SHLD1: variants seen among roughly 807,000 people sequenced by gnomAD.
The protein encoded by SHLD1 is shieldin complex subunit 1, also known as RINN1-REV7-interacting novel NHEJ regulator 3.
A neutral mutation model predicts 5.5 loss-of-function variants in SHLD1; 3 were observed. The ratio of observed to expected loss-of-function variants is 0.54; its 90% CI spans 0.25 to 1.40. The LOEUF (loss-of-function observed/expected upper bound fraction) is 1.40, where lower values mean the gene tolerates loss of function less well. Ranked by LOEUF, SHLD1 falls within the 40% of genes most tolerant of loss-of-function variation. The pLI is 0.15. For synonymous variants in SHLD1, 92 were observed against 94.3 expected (o/e 0.98, Z 0.14); for missense variants, 210 against 244.4 (o/e 0.86, Z 0.94).
At chr20:5,810,407 C>G (rs2087442546) in intron 2 of SHLD1, among the ~76,000 whole-genome samples, 2 of 152,052 alleles carry the variant, frequency 1.3e-5, no homozygotes, top group Non-Finnish European at 2.9e-5. Flanking sequence ...CTCTAATTAG[C>G]TATGGGACCT....
intron 2 of SHLD1, among the ~76,000 whole-genome samples, chr20:5,810,639 A>G (rs1395819583): frequency 6.6e-6 from 1 of 151,820 alleles, no homozygotes; most frequent in East Asian, 1.9e-4. Flanking sequence ...CACGCCTATA[A>G]TCCCAGCACC....
chr20:5,774,604 G>A (rs1778332334), intron 2 of SHLD1, among the ~76,000 whole-genome samples: 1 of 152,148 alleles, frequency 6.6e-6, no homozygotes, highest in Non-Finnish European at 1.5e-5. Flanking sequence ...AGGCAAAGGG[G>A]AAGCTGGCAC....
chr20:5,789,136 A>G (rs953928122), intron 2 of SHLD1, among the ~76,000 whole-genome samples: 2 of 152,002 alleles, frequency 1.3e-5, no homozygotes, highest in Non-Finnish European at 2.9e-5. Flanking sequence ...TCTCAAAAAC[A>G]AAAAAACAAA....
chr20:5,842,878 C>A (rs1405654162), intron 2 of SHLD1, among the ~76,000 whole-genome samples: 2 of 152,032 alleles, frequency 1.3e-5, no homozygotes, highest in Non-Finnish European at 2.9e-5. Flanking sequence ...TTTACCTGTT[C>A]ATTTTTTGTA....
intron 2 of SHLD1, among the ~76,000 whole-genome samples, chr20:5,849,355 G>A (rs1265856351): frequency 1.3e-5 from 2 of 152,202 alleles, no homozygotes; most frequent in Non-Finnish European, 2.9e-5. Context: ...TGGGAGAAAT[G>A]CCAGTGGTGA....
At chr20:5,773,262 T>G (rs1472829852) in intron 2 of SHLD1, 1 of 670,586 alleles carries the variant, frequency 1.5e-6, no homozygotes, top group African/African-American at 1.8e-5. Context: ...GATGTCTTTT[T>G]GTTATTGTTG....
chr20:5,763,378 ACT>A (rs1984589650), intron 1 of SHLD1, among the ~76,000 whole-genome samples: 1 of 151,924 alleles, frequency 6.6e-6, no homozygotes, highest in African/African-American at 2.4e-5. Context: ...ACCCCAGTTG[ACT>A]CTGCCAAAAG....
rs2088073055 is a variant in SHLD1, at chr20:5,855,635, G to A, written c.179-7389G>A. Among the ~76,000 whole-genome samples, 1 of 152,200 alleles carries A rather than the reference G, an allele frequency of 6.6e-6. No homozygotes were observed. The highest frequency in any genetic ancestry group is 2.4e-5 in the African/African-American group (1 of 41,454). ...GATCCACTTTCCTTGGCCCCCCAAAGTGCTGGGATTATAGACATGAGCCGC... is the reference window on the plus strand; with the variant it reads ...GATCCACTTTCCTTGGCCCCCCAAAATGCTGGGATTATAGACATGAGCCGC... On this transcript the variant is annotated intron_variant, in intron 2 of 2. Coordinates refer to ENST00000303142, the MANE Select transcript of SHLD1 (RefSeq NM_152504.4). This position sits in a 1 kb window ranked among gnomAD's most constrained non-coding sequence, Gnocchi z 4.4.
intron 2 of SHLD1, among the ~76,000 whole-genome samples, chr20:5,818,946 T>A (rs1245778651): frequency 6.6e-6 from 1 of 152,170 alleles, no homozygotes; most frequent in East Asian, 1.9e-4. Context: ...CACTGCAACC[T>A]CTGCCTCCTG....
Position 5,806,444 on chromosome 20 carries a change from T to C in SHLD1, c.178+33401T>C, listed in dbSNP as rs2087376770. ...TGAAGCACTGATCATTTTCCTGTAT[T>C]ACTGTGGGGAAGTGGATTATCTGCA... On this transcript the variant is annotated intron_variant, in intron 2 of 2. Coordinates refer to ENST00000303142, the MANE Select transcript of SHLD1 (RefSeq NM_152504.4). This position sits in a 1 kb window ranked among gnomAD's most constrained non-coding sequence, Gnocchi z 7.6. 6.6e-6 allele frequency among the ~76,000 whole-genome samples: 1 copy of C among 152,266 alleles called. No homozygotes were observed. The highest frequency in any genetic ancestry group is 1.9e-4 in the East Asian group (1 of 5,206).
chr20:5,839,576 T>A (rs150570381), intron 2 of SHLD1, among the ~76,000 whole-genome samples: 5 of 152,278 alleles, frequency 3.3e-5, no homozygotes, highest in Non-Finnish European at 7.4e-5. Context: ...ACCACAGATG[T>A]GTGGAAGTAC....
intron 1 of SHLD1, among the ~76,000 whole-genome samples, chr20:5,752,686 G>A (rs915961241): frequency 4.1e-5 from 6 of 145,998 alleles, no homozygotes; most frequent in Non-Finnish European, 7.5e-5. Flanking sequence ...GTGCGATCTC[G>A]GCTCACTGCA....
intron 2 of SHLD1, among the ~76,000 whole-genome samples, chr20:5,824,977 C>T (rs1365323306): frequency 6.6e-6 from 1 of 152,136 alleles, no homozygotes; most frequent in Non-Finnish European, 1.5e-5. Flanking sequence ...TACTGAGTCC[C>T]TCCTGTTATA....
At chr20:5,842,250 C>A (rs530977728) in intron 2 of SHLD1, among the ~76,000 whole-genome samples, 1 of 152,286 alleles carries the variant, frequency 6.6e-6, no homozygotes, top group South Asian at 2.1e-4. Flanking sequence ...GTATGTAGCT[C>A]CTTCCTCTAC....
At chr20:5,810,887 C>CAA (rs10627373) in intron 2 of SHLD1, among the ~76,000 whole-genome samples, 47,940 of 120,334 alleles carry the variant, frequency 0.4, 9,180 homozygotes, top group Non-Finnish European at 0.48. Context: ...GACTCTGTCT[C>CAA]AAAAAAAAAA....
intron 2 of SHLD1, among the ~76,000 whole-genome samples, chr20:5,789,813 A>G (rs2143566): frequency 0.34 from 52,305 of 151,778 alleles, 9,438 homozygotes; most frequent in East Asian, 0.66. Context: ...CTGTCCTCCT[A>G]CCCAACTGAA....
At position 5,806,528 on chromosome 20, in the gene SHLD1, A is replaced by G. The variant is rs1202933920; in HGVS notation, c.178+33485A>G. Among the ~76,000 whole-genome samples the G allele has an allele frequency of 2.0e-5, 3 of 152,148 alleles. No homozygotes were observed. The highest frequency in any genetic ancestry group is 4.4e-5 in the Non-Finnish European group (3 of 68,034). On this transcript the variant is annotated intron_variant, in intron 2 of 2. Transcript: ENST00000303142. The surrounding 1 kb of genome is among the most constrained non-coding windows in gnomAD (Gnocchi z 7.6). ...GTCAGGCATGCAGTTTTGATAAACT[A>G]CCTCCCAAGTTCTGAAGGAATTAGG...
At chr20:5,826,537 T>A (rs1220826878) in intron 2 of SHLD1, among the ~76,000 whole-genome samples, 3 of 152,104 alleles carry the variant, frequency 2.0e-5, no homozygotes, top group Non-Finnish European at 4.4e-5. Context: ...CCTTTGACAG[T>A]CCTCACAGAT....
chr20:5,824,298 C>T (rs2087641224), intron 2 of SHLD1, among the ~76,000 whole-genome samples: 1 of 152,252 alleles, frequency 6.6e-6, no homozygotes, highest in Non-Finnish European at 1.5e-5. Flanking sequence ...TCAGATGTGA[C>T]TTCCAAGAAG....
Sources: allele counts gnomAD v4.1 joint callset (sites outside exome capture counted in the v4.1 genomes callset), GRCh38; gene constraint gnomAD v4.1.1; non-coding constraint Gnocchi (gnomAD v3.1); transcripts MANE v1.5; gene names NCBI Gene and HGNC (gene_info 2026-07-23, HGNC 2026-07-21).